Variants in ADAMTSL1 observed in about 807,000 individuals in gnomAD.
ADAMTSL1 encodes ADAMTS-like protein 1.
In ADAMTSL1, 126 loss-of-function variants were observed where a neutral mutation model predicts 201.8. The ratio of observed to expected loss-of-function variants is 0.62; its 90% CI spans 0.54 to 0.72. ADAMTSL1 has a LOEUF of 0.72. Among genes scored for constraint, ADAMTSL1 ranks in the 30% least tolerant of loss-of-function variants. The pLI is 0.00. For synonymous variants in ADAMTSL1, 1,121 were observed against 903.4 expected (o/e 1.24, Z -4.32); for missense variants, 2,679 against 2,277.8 (o/e 1.18, Z -3.59).
At chr9:18,147,281 G>A (rs1826687334) in intron 1 of ADAMTSL1, among the ~76,000 whole-genome samples, 1 of 151,982 alleles carries the variant, frequency 6.6e-6, no homozygotes, top group African/African-American at 2.4e-5. Flanking sequence ...TGTAATAAAT[G>A]GTTTTAAAGA....
At chr9:18,593,873 G>A (rs554787869) in intron 4 of ADAMTSL1, among the ~76,000 whole-genome samples, 249 of 152,128 alleles carry the variant, frequency 1.6e-3, no homozygotes, top group African/African-American at 5.8e-3. Flanking sequence ...AGGAAATTAT[G>A]TGTATTCTGC....
chr9:18,546,171 T>G (rs970610938), intron 3 of ADAMTSL1, among the ~76,000 whole-genome samples: 1 of 152,210 alleles, frequency 6.6e-6, no homozygotes, highest in Non-Finnish European at 1.5e-5. Flanking sequence ...GGTTTGGCTA[T>G]ATTTTTCTTT....
intron 21 of ADAMTSL1, among the ~76,000 whole-genome samples, chr9:18,825,951 C>A (rs560651780): frequency 6.6e-6 from 1 of 152,322 alleles, no homozygotes; most frequent in African/African-American, 2.4e-5. Context: ...TCCACCTTGG[C>A]AAGCCCCCCC....
intron 14 of ADAMTSL1, among the ~76,000 whole-genome samples, chr9:18,716,572 A>G (rs1428689940): frequency 7.1e-6 from 1 of 139,922 alleles, no homozygotes; most frequent in Non-Finnish European, 1.6e-5. Flanking sequence ...GGCAATCATT[A>G]AAATGTCAGG....
intron 20 of ADAMTSL1, among the ~76,000 whole-genome samples, chr9:18,808,994 T>G (rs1233512535): frequency 1.3e-5 from 2 of 150,908 alleles, no homozygotes; most frequent in Non-Finnish European, 3.0e-5. Flanking sequence ...AACACATATT[T>G]TCACTTAACA....
At chr9:18,792,406 C>T (rs1048408430) in intron 19 of ADAMTSL1, among the ~76,000 whole-genome samples, 3 of 152,074 alleles carry the variant, frequency 2.0e-5, no homozygotes, top group African/African-American at 7.2e-5. Context: ...ATAGTAGGAC[C>T]AAAACAAAGT....
chr9:18,367,959 G>A (rs1403695231), intron 2 of ADAMTSL1, among the ~76,000 whole-genome samples: 2 of 152,034 alleles, frequency 1.3e-5, no homozygotes, highest in Non-Finnish European at 2.9e-5. Flanking sequence ...GAGTGCAGTG[G>A]CGCGATCTCG....
intron 3 of ADAMTSL1, among the ~76,000 whole-genome samples, chr9:18,570,067 C>G (rs1160302398): frequency 3.3e-5 from 5 of 151,932 alleles, no homozygotes; most frequent in Admixed American, 6.6e-5. Context: ...CTAAATCTTA[C>G]TTTTAAAAGA....
At chr9:18,421,330 C>T (rs1314731050) in intron 2 of ADAMTSL1, among the ~76,000 whole-genome samples, 1 of 152,058 alleles carries the variant, frequency 6.6e-6, no homozygotes, top group Non-Finnish European at 1.5e-5. Flanking sequence ...TATTTTATTT[C>T]ACACTTCATT....
rs1371601374 is a variant in ADAMTSL1, at chr9:17,913,999, T to A, written c.87+7077T>A. 1.6e-4 allele frequency among the ~76,000 whole-genome samples: 24 copies of A among 151,798 alleles called. 1 individual carries two copies. Among genetic ancestry groups the A allele is most frequent in the Non-Finnish European group, 2.9e-5 (2 of 67,994 alleles). Reference sequence around the variant, plus strand: ...GAAGTTGAATCTCTGAATAGACGAATAACAGGCTCTGAAATTGTGGCAATA... The same window carrying A: ...GAAGTTGAATCTCTGAATAGACGAAAAACAGGCTCTGAAATTGTGGCAATA... On this transcript the variant is annotated intron_variant, in intron 1 of 29. Coordinates refer to the ADAMTSL1 transcript ENST00000680146.
chr9:18,187,603 A>G (rs1298244922), intron 2 of ADAMTSL1, among the ~76,000 whole-genome samples: 2 of 152,150 alleles, frequency 1.3e-5, no homozygotes, highest in African/African-American at 4.8e-5. Context: ...AAGCCAGATT[A>G]TTTATTTGGG....
intron 1 of ADAMTSL1, among the ~76,000 whole-genome samples, chr9:18,073,247 C>T (rs947771835): frequency 7.9e-5 from 12 of 152,152 alleles, no homozygotes; most frequent in African/African-American, 2.7e-4. Context: ...CAATTCATCA[C>T]TTGAATTGTG....
intron 4 of ADAMTSL1, among the ~76,000 whole-genome samples, chr9:18,591,364 A>G (rs1436302333): frequency 6.6e-6 from 1 of 152,042 alleles, no homozygotes; most frequent in East Asian, 1.9e-4. Context: ...TTCTATTTGC[A>G]TGGAGTATCT....
At chr9:18,295,849 A>G (rs530954069) in intron 2 of ADAMTSL1, among the ~76,000 whole-genome samples, 1 of 152,338 alleles carries the variant, frequency 6.6e-6, no homozygotes, top group African/African-American at 2.4e-5. Flanking sequence ...AAAAAGACAT[A>G]CATTTGGATT....
chr9:18,846,726 G>C (rs536431335), intron 23 of ADAMTSL1, among the ~76,000 whole-genome samples: 27 of 152,296 alleles, frequency 1.8e-4, no homozygotes, highest in East Asian at 1.3e-3. Context: ...GGTAACCATA[G>C]ATTACTGTGG....
At chr9:18,068,234 A>G (rs1822797375) in intron 1 of ADAMTSL1, among the ~76,000 whole-genome samples, 1 of 152,176 alleles carries the variant, frequency 6.6e-6, no homozygotes, top group African/African-American at 2.4e-5. Flanking sequence ...TTGGCCCTCC[A>G]TATCTGTATG....
intron 1 of ADAMTSL1, among the ~76,000 whole-genome samples, chr9:18,113,298 A>G (rs1304480964): frequency 1.3e-5 from 2 of 152,130 alleles, no homozygotes; most frequent in Admixed American, 1.3e-4. Flanking sequence ...TAATTGAAGG[A>G]TCTTGATGGG....
intron 3 of ADAMTSL1, among the ~76,000 whole-genome samples, chr9:18,558,125 C>A (rs2132261938): frequency 6.6e-6 from 1 of 152,212 alleles, no homozygotes; most frequent in Admixed American, 6.5e-5. Flanking sequence ...CCATCATCTA[C>A]ATTAGTTATT....
intron 2 of ADAMTSL1, among the ~76,000 whole-genome samples, chr9:18,242,393 C>G (rs1831105639): frequency 6.6e-6 from 1 of 152,048 alleles, no homozygotes; most frequent in African/African-American, 2.4e-5. Context: ...GAAAAACTCA[C>G]CGCTAACATT....
Sources: gnomAD v4.1 joint callset for allele counts (sites outside exome capture counted in the v4.1 genomes callset) on GRCh38, gnomAD v4.1.1 for gene constraint, MANE v1.5 for transcripts, NCBI Gene and HGNC (gene_info 2026-07-23, HGNC 2026-07-21) for gene names.